DCAF6: variants seen among roughly 807,000 people sequenced by gnomAD.
DCAF6 encodes DDB1 and CUL4 associated factor 6, also known as DDB1- and CUL4-associated factor 6.
In DCAF6, 54 loss-of-function variants were observed where a neutral mutation model predicts 125.1. The observed-to-expected ratio is 0.43, with a 90% CI of 0.35 to 0.54. The LOEUF is 0.54. Among genes scored for constraint, DCAF6 ranks in the 20% least tolerant of loss-of-function variants. DCAF6 has a pLI of 0.01. For synonymous variants in DCAF6, 371 were observed against 390.4 expected (o/e 0.95, Z 0.58); for missense variants, 934 against 1,161.7 (o/e 0.80, Z 2.85).
intron 12 of DCAF6, among the ~76,000 whole-genome samples, chr1:168,037,502 GT>G (rs1158971719): frequency 1.3e-5 from 2 of 152,004 alleles, no homozygotes; most frequent in Admixed American, 6.6e-5. Context: ...TTCCCAAACT[GT>G]TGTTCATCAT....
At chr1:167,963,173 A>C (rs1356879494) in intron 2 of DCAF6, among the ~76,000 whole-genome samples, 1 of 151,866 alleles carries the variant, frequency 6.6e-6, no homozygotes, top group Non-Finnish European at 1.5e-5. Flanking sequence ...CTGAGGCGGG[A>C]GAATCGCTTG....
At chr1:167,933,205 G>T (rs1298833059), upstream of DCAF6, among the ~76,000 whole-genome samples, 5 of 141,330 alleles carry the variant, frequency 3.5e-5, no homozygotes, top group African/African-American at 1.3e-4. Context: ...ACCTCGCTCT[G>T]TTGCCAGGCT....
At chr1:167,989,740 G>T (rs1252043839) in intron 5 of DCAF6, among the ~76,000 whole-genome samples, 1 of 152,090 alleles carries the variant, frequency 6.6e-6, no homozygotes, top group Non-Finnish European at 1.5e-5. Flanking sequence ...AAATAGCCAG[G>T]CGTGGTGGCA....
rs183043902 is a variant in DCAF6 at position 168,020,808 on chromosome 1, G to T, written c.1550-2180G>T. ...TCTAGGTATTGTATTTATGAATAGT[G>T]GTTAAAAAAACATGTCACTTAAAAT... On this transcript the variant is annotated intron_variant, in intron 11 of 21. Coordinates refer to ENST00000367840, the MANE Select transcript of DCAF6 (RefSeq NM_001198956.2). 6.1e-3 allele frequency among the ~76,000 whole-genome samples: 926 copies of T among 151,956 alleles called. 5 individuals are homozygous for T. Among genetic ancestry groups the T allele is most frequent in the African/African-American group, 0.021 (890 of 41,444 alleles).
At chr1:167,885,090 T>C in the DCAF6 span, among the ~76,000 whole-genome samples, 2 of 151,656 alleles carry the variant, frequency 1.3e-5, no homozygotes, top group African/African-American at 4.9e-5. Context: ...TGACCTCCAC[T>C]TCCATCCACG....
intron 2 of DCAF6, among the ~76,000 whole-genome samples, chr1:167,959,388 G>A (rs1165792430): frequency 6.6e-6 from 1 of 152,218 alleles, no homozygotes; most frequent in African/African-American, 2.4e-5. Context: ...GTGTGCAGGT[G>A]TATGTGTGGA....
chr1:168,021,510 GA>G (rs1213631052), intron 11 of DCAF6, among the ~76,000 whole-genome samples: 25 of 152,176 alleles, frequency 1.6e-4, no homozygotes, highest in African/African-American at 5.8e-4. Context: ...GGCATCTTAA[GA>G]AAGTAAAGCA....
At chr1:167,953,318 C>T (rs2102726678) in intron 2 of DCAF6, among the ~76,000 whole-genome samples, 1 of 152,254 alleles carries the variant, frequency 6.6e-6, no homozygotes, top group South Asian at 2.1e-4. Flanking sequence ...AAGCAGCATT[C>T]CCTGAACACC....
chr1:168,035,446 C>G (rs1687679471), intron 12 of DCAF6, among the ~76,000 whole-genome samples: 1 of 152,010 alleles, frequency 6.6e-6, no homozygotes, highest in African/African-American at 2.4e-5. Context: ...GACTCTGTCT[C>G]AAAACAAAAA....
intron 12 of DCAF6, among the ~76,000 whole-genome samples, chr1:168,033,566 C>T (rs1336252019): frequency 6.6e-6 from 1 of 152,110 alleles, no homozygotes; most frequent in Non-Finnish European, 1.5e-5. Context: ...ATCCACCCGC[C>T]TCGGCCTCCC....
chr1:168,045,319 A>C, intron 16 of DCAF6, 92 bp downstream of exon 16: 1 of 1,161,964 alleles, frequency 8.6e-7, no homozygotes, highest in South Asian at 1.6e-5. Context: ...CATTTTTGAC[A>C]GTTGCTTCCT....
intron 16 of DCAF6, among the ~76,000 whole-genome samples, chr1:168,047,584 C>T (rs16860019): frequency 0.059 from 8,996 of 151,760 alleles, 845 homozygotes; most frequent in African/African-American, 0.2. Context: ...AACAGAAGAA[C>T]GATAAAATTC....
chr1:168,065,519 G>GT (rs1365890871), intron 18 of DCAF6, 71 bp from the exon 19 acceptor site: 1 of 1,078,680 alleles, frequency 9.3e-7, no homozygotes, highest in African/African-American at 1.6e-5. Context: ...ATAAAAAAAT[G>GT]TAAGAGTAGC....
At chr1:168,002,840 G>A (rs192366945) in intron 8 of DCAF6, among the ~76,000 whole-genome samples, 1 of 152,066 alleles carries the variant, frequency 6.6e-6, no homozygotes, top group Non-Finnish European at 1.5e-5. Flanking sequence ...GTATAAGAAT[G>A]CCCATTACCC....
the DCAF6 span, among the ~76,000 whole-genome samples, chr1:167,884,221 G>GACTC: frequency 6.6e-6 from 1 of 152,186 alleles, no homozygotes; most frequent in Non-Finnish European, 1.5e-5. Context: ...AGGTTTAATT[G>GACTC]ACTCACAGTT....
chr1:168,068,553 T>A, intron 21 of DCAF6, 90 bp downstream of exon 21: 1 of 620,920 alleles, frequency 1.6e-6, no homozygotes, highest in Non-Finnish European at 2.4e-6. Context: ...TTATATATAT[T>A]TTTTAATATC....
Position 167,998,365 on chromosome 1 carries a change from A to C in DCAF6, c.904-4117A>C, listed in dbSNP as rs374345815. 7.8e-4 allele frequency among the ~76,000 whole-genome samples: 119 copies of C among 152,306 alleles called. 1 individual carries two copies. In the South Asian group the frequency reaches 0.023, roughly 29 times the overall value. On this transcript the variant is annotated intron_variant, in intron 7 of 21. Transcript: ENST00000367840. ...GGTGGAGGGGCTTACCTTAATGTTG[A>C]TCACTGCTGACTGATCAGAGTGGTG...
intron 1 of DCAF6, among the ~76,000 whole-genome samples, chr1:167,944,460 A>G (rs1407380341): frequency 6.6e-6 from 1 of 152,024 alleles, no homozygotes; most frequent in African/African-American, 2.4e-5. Context: ...CCTTTTTTTC[A>G]CATGATAACC....
the DCAF6 span, chr1:167,917,413 A>G: frequency 6.6e-6 from 1 of 152,214 alleles, no homozygotes; most frequent in Admixed American, 6.6e-5. Flanking sequence ...AGCCTGGGCA[A>G]CATGACAAAA....
Sources: allele counts gnomAD v4.1 joint callset (sites outside exome capture counted in the v4.1 genomes callset), GRCh38; gene constraint gnomAD v4.1.1; transcripts MANE v1.5; gene names NCBI Gene and HGNC (gene_info 2026-07-23, HGNC 2026-07-21).